AGO3: variants seen among roughly 807,000 people sequenced by gnomAD.
AGO3 encodes the protein protein argonaute-3.
A neutral mutation model predicts 105.5 loss-of-function variants in AGO3; 16 were observed. The observed-to-expected ratio is 0.15, with a 90% CI of 0.10 to 0.23. The LOEUF (loss-of-function observed/expected upper bound fraction) is 0.23, where lower values mean the gene tolerates loss of function less well. AGO3 is among the 10% of genes least tolerant of loss of function. AGO3 has a pLI of 1.00. For missense variants in AGO3, 534 were observed against 1,088.0 expected, an observed-to-expected ratio of 0.49 and a Z score of 7.16; for synonymous variants, 340 against 367.3, an observed-to-expected ratio of 0.93 and a Z score of 0.85.
intron 9 of AGO3, among the ~76,000 whole-genome samples, chr1:36,011,481 ACT>A (rs1381462097): frequency 7.9e-5 from 12 of 152,142 alleles, no homozygotes; most frequent in Non-Finnish European, 5.9e-5. Context: ...GATTTTAAAA[ACT>A]CTCAAAATCA....
At chr1:35,997,235 T>A (rs917140230) in intron 5 of AGO3, among the ~76,000 whole-genome samples, 1 of 151,300 alleles carries the variant, frequency 6.6e-6, no homozygotes, top group African/African-American at 2.4e-5. Flanking sequence ...ACTGAGATCA[T>A]GCCACTGCAC....
At chr1:35,966,056 C>T (rs1646769279) in intron 2 of AGO3, among the ~76,000 whole-genome samples, 1 of 152,134 alleles carries the variant, frequency 6.6e-6, no homozygotes, top group African/African-American at 2.4e-5. Context: ...AACTCCCGAC[C>T]TCAGGTGATC....
chr1:35,966,104 C>T (rs925153347), intron 2 of AGO3, among the ~76,000 whole-genome samples: 3 of 152,098 alleles, frequency 2.0e-5, no homozygotes, highest in East Asian at 1.9e-4. Flanking sequence ...GGATTACAGG[C>T]GTAAGCCACT....
At chr1:35,995,729 G>C (rs1176844256) in intron 5 of AGO3, among the ~76,000 whole-genome samples, 1 of 152,182 alleles carries the variant, frequency 6.6e-6, no homozygotes, top group Non-Finnish European at 1.5e-5. Flanking sequence ...CCGGACTGGA[G>C]TGCAGTGGCT....
rs141222334 is a variant in AGO3, at chr1:36,067,722, G to A, written c.*11977G>A. The stretch of plus-strand genomic sequence containing the variant: ...CTTTAAATAGAAAACACCAAGCAGG[G>A]CCTTTCCAGACAAGGTAGTCTGGAA... On this transcript the variant is annotated 3_prime_UTR_variant, in exon 19 of 19. Coordinates refer to ENST00000373191, the MANE Select transcript of AGO3 (RefSeq NM_024852.4). 193 of 152,022 alleles carry A rather than the reference G, an allele frequency of 1.3e-3. 1 individual carries two copies. The highest frequency in any genetic ancestry group is 6.8e-3 in the Middle Eastern group (2 of 294). The allele number at this position is 152,022 out of a possible 1,614,324, so 9.4% of individuals were successfully genotyped here. A position where few individuals can be genotyped will look rare whatever the true frequency, so the allele number is the denominator to read the frequency against.
At chr1:36,042,571 G>A (rs748434654) in intron 16 of AGO3, among the ~76,000 whole-genome samples, 3 of 152,112 alleles carry the variant, frequency 2.0e-5, no homozygotes, top group Non-Finnish European at 4.4e-5. Flanking sequence ...CACTCACGTG[G>A]CAAAAATATT....
intron 12 of AGO3, among the ~76,000 whole-genome samples, chr1:36,028,948 A>G (rs937899589): frequency 2.0e-5 from 3 of 152,074 alleles, no homozygotes; most frequent in African/African-American, 7.2e-5. Context: ...CCCAAAGTGC[A>G]GGGATTACAG....
chr1:36,036,070 C>T (rs1010663422), intron 13 of AGO3, 107 bp from the exon 14 acceptor site: 6 of 913,652 alleles, frequency 6.6e-6, no homozygotes, highest in Admixed American at 4.8e-5. Context: ...TTACATAGGA[C>T]TTCCTCTGTG....
At chr1:36,007,254 G>A (rs1640376860) in intron 6 of AGO3, among the ~76,000 whole-genome samples, 1 of 152,196 alleles carries the variant, frequency 6.6e-6, no homozygotes, top group Non-Finnish European at 1.5e-5. Context: ...ACTAAAAGTT[G>A]TTCTCCATCT....
chr1:35,937,123 T>TA (rs1262681469), intron 1 of AGO3, among the ~76,000 whole-genome samples: 1 of 152,144 alleles, frequency 6.6e-6, no homozygotes, highest in Non-Finnish European at 1.5e-5. Context: ...AAATGCCTTT[T>TA]AAAAATTGTT....
chr1:35,945,600 G>A, intron 1 of AGO3, 92 bp from the exon 2 acceptor site: 4 of 1,298,380 alleles, frequency 3.1e-6, no homozygotes, highest in Non-Finnish European at 4.3e-6. Context: ...GCCATTATCA[G>A]CTGTACTTAT....
In AGO3 at chr1:35,996,021, C is replaced by T. The variant is rs78411372; in HGVS notation, c.659-8320C>T. Among the ~76,000 whole-genome samples the T allele has an allele frequency of 4.5e-3, 680 of 152,124 alleles. 5 individuals are homozygous for T. Among genetic ancestry groups the T allele is most frequent in the Non-Finnish European group, 7.4e-3 (506 of 67,988 alleles). On this transcript the variant is annotated intron_variant, in intron 5 of 18. Coordinates refer to ENST00000373191, the MANE Select transcript of AGO3 (RefSeq NM_024852.4). ...TGAAAACCATTGCAATTAAAAGCTT[C>T]TCCTTTTGAGAACACCATTAAGAAA...
rs564553121 is a variant in AGO3, at chr1:36,028,514, C to A, written c.1591+1216C>A. On this transcript the variant is annotated intron_variant, in intron 12 of 18. Coordinates refer to ENST00000373191, the MANE Select transcript of AGO3 (RefSeq NM_024852.4). ...TGCGGTGTTTGGTTTTTTGTTCTTG[C>A]GATAGTTTACTGAGAATGATGATTT... 2.7e-5 allele frequency among the ~76,000 whole-genome samples: 4 copies of A among 149,368 alleles called. No homozygotes were observed. The South Asian group carries it at 6.3e-4, about 24-fold the overall frequency.
intron 5 of AGO3, among the ~76,000 whole-genome samples, chr1:35,977,278 G>C (rs1185960321): frequency 6.8e-6 from 1 of 145,998 alleles, no homozygotes; most frequent in Non-Finnish European, 1.5e-5. Context: ...AAAAAAGTCT[G>C]TTCAGGCTGT....
chr1:35,959,588 C>G (rs1411674842), intron 2 of AGO3, among the ~76,000 whole-genome samples: 1 of 152,072 alleles, frequency 6.6e-6, no homozygotes, highest in East Asian at 1.9e-4. Context: ...TCTAGTTTTA[C>G]TACTTACGGT....
intron 2 of AGO3, among the ~76,000 whole-genome samples, chr1:35,957,494 C>T (rs894082215): frequency 3.3e-5 from 5 of 151,190 alleles, no homozygotes; most frequent in Non-Finnish European, 4.4e-5. Flanking sequence ...GCGAGGCTGA[C>T]GCAGGCAGAT....
Position 35,941,635 on chromosome 1 carries a change from A to G in AGO3, c.20-4057A>G, listed in dbSNP as rs530378630. On this transcript the variant is annotated intron_variant, in intron 1 of 18. Transcript: ENST00000373191. ...TAGGCAAATTATTTCAGTTTTCCTCATCTGTAAAATGATTCCTTCCTTTAT... is the reference window on the plus strand; with the variant it reads ...TAGGCAAATTATTTCAGTTTTCCTCGTCTGTAAAATGATTCCTTCCTTTAT... Among the ~76,000 whole-genome samples, 231 of 152,302 alleles carry G rather than the reference A, an allele frequency of 1.5e-3. 1 individual carries two copies. The highest frequency in any genetic ancestry group is 3.8e-3 in the African/African-American group (157 of 41,562).
intron 1 of AGO3, among the ~76,000 whole-genome samples, chr1:35,941,095 A>G (rs1339273168): frequency 6.6e-6 from 1 of 152,054 alleles, no homozygotes; most frequent in Admixed American, 6.6e-5. Context: ...AATCCTCTTG[A>G]TTTCCCCTCC....
At chr1:36,005,443 A>G (rs1640291908) in intron 6 of AGO3, among the ~76,000 whole-genome samples, 1 of 152,232 alleles carries the variant, frequency 6.6e-6, no homozygotes. Flanking sequence ...TGCTTTGAAA[A>G]TAAGCATCCA....
Sources: gnomAD v4.1 joint callset for allele counts (sites outside exome capture counted in the v4.1 genomes callset) on GRCh38, gnomAD v4.1.1 for gene constraint, MANE v1.5 for transcripts, NCBI Gene and HGNC (gene_info 2026-07-23, HGNC 2026-07-21) for gene names.